The following WDR45B variants were observed in gnomAD, a reference collection of about 807,000 sequenced individuals.
The protein encoded by WDR45B is WD repeat domain 45B, also known as WD repeat domain phosphoinositide-interacting protein 3.
A neutral mutation model predicts 44.6 loss-of-function variants in WDR45B; 20 were observed. The ratio of observed to expected loss-of-function variants is 0.45; its 90% confidence interval spans 0.32 to 0.65. WDR45B has a LOEUF of 0.65. Ranked by LOEUF, WDR45B falls within the 30% of genes least tolerant of loss-of-function variation. The probability of loss-of-function intolerance (pLI) is 0.05; values close to 1 mark genes in which losing one functional copy is unlikely to be tolerated. For synonymous variants in WDR45B, 169 were observed against 164.9 expected, an observed-to-expected ratio of 1.02 and a Z score of -0.19; for missense variants, 323 against 430.2, an observed-to-expected ratio of 0.75 and a Z score of 2.20.
rs564282202 is a variant in WDR45B at position 82,645,431 on chromosome 17, T to C, written c.68-1408A>G. On this transcript the variant is annotated intron_variant, in intron 1 of 9. Coordinates refer to ENST00000392325, the MANE Select transcript of WDR45B (RefSeq NM_019613.4). Reference sequence around the variant, plus strand: ...GACATGTCACAAGAGGATATCCAAGTGGTCAAGAAACACAAAATCAGGAAA... The same window carrying C: ...GACATGTCACAAGAGGATATCCAAGCGGTCAAGAAACACAAAATCAGGAAA... 2.0e-5 allele frequency among the ~76,000 whole-genome samples: 3 copies of C among 151,988 alleles called. No individual in the cohort carries two copies. The South Asian group carries it at 6.2e-4, about 32-fold the overall frequency.
chr17:82,644,668 G>A (rs9788995), intron 1 of WDR45B: 63,284 of 156,710 alleles, frequency 0.4, 13,010 homozygotes, highest in East Asian at 0.53. Flanking sequence ...GTAGATGATC[G>A]TGTGTTAATG....
Position 82,640,138 on chromosome 17 carries a change from C to T in WDR45B, c.142+3811G>A, listed in dbSNP as rs143864762. 5.1e-3 allele frequency among the ~76,000 whole-genome samples: 770 copies of T among 152,242 alleles called. 11 individuals carry two copies. Among genetic ancestry groups the T allele is most frequent in the African/African-American group, 0.018 (742 of 41,542 alleles). ...TGAACTACCAGCTTCCCGTTCCTGC[C>T]AAGTGGCAGAAGGCGTATCTGGAAA... On this transcript the variant is annotated intron_variant, in intron 2 of 9. Transcript: ENST00000392325.
chr17:82,628,306 A>G (rs2045724473), intron 3 of WDR45B, among the ~76,000 whole-genome samples: 1 of 152,074 alleles, frequency 6.6e-6, no homozygotes, highest in Non-Finnish European at 1.5e-5. Context: ...GCTCCTTTTT[A>G]AGTTCAAAAT....
chr17:82,635,173 AT>A (rs58632119), intron 2 of WDR45B, among the ~76,000 whole-genome samples: 1,798 of 150,724 alleles, frequency 0.012, 73 homozygotes, highest in African/African-American at 0.042. Flanking sequence ...TTTTACCATA[AT>A]TTTTTTTTTA....
chr17:82,635,087 CAAT>C (rs2045816027), intron 2 of WDR45B, among the ~76,000 whole-genome samples: 1 of 151,940 alleles, frequency 6.6e-6, no homozygotes, highest in African/African-American at 2.4e-5. Context: ...CGTTTAACAA[CAAT>C]GTGAATATAT....
At chr17:82,648,252 C>G in intron 1 of WDR45B, 22 bp downstream of exon 1, 1 of 1,599,586 alleles carries the variant, frequency 6.3e-7, no homozygotes. Flanking sequence ...CCGGGCAAGG[C>G]GACAGGGCCG....
chr17:82,638,693 CCT>C (rs1365543512), intron 2 of WDR45B, among the ~76,000 whole-genome samples: 6 of 151,982 alleles, frequency 3.9e-5, no homozygotes, highest in Admixed American at 1.3e-4. Context: ...TCGTGCAGTC[CCT>C]GTTTCTCGTT....
At chr17:82,624,618 A>T (rs2045668162) in intron 5 of WDR45B, among the ~76,000 whole-genome samples, 1 of 138,194 alleles carries the variant, frequency 7.2e-6, no homozygotes, top group Non-Finnish European at 1.5e-5. Context: ...ACGGAAATTT[A>T]TTGAAGTTTT....
chr17:82,637,150 T>A (rs1005858429), intron 2 of WDR45B, among the ~76,000 whole-genome samples: 1 of 152,062 alleles, frequency 6.6e-6, no homozygotes, highest in African/African-American at 2.4e-5. Flanking sequence ...ATTTATTTAT[T>A]CCTGGAACAT....
chr17:82,636,385 G>A (rs889936673), intron 2 of WDR45B: 1 of 151,894 alleles, frequency 6.6e-6, no homozygotes, highest in African/African-American at 2.4e-5. Context: ...CAAGTGAAGA[G>A]GCAGAGAAGG....
At position 82,643,113 on chromosome 17, in the gene WDR45B, A is replaced by G. The variant is rs915127065; in HGVS notation, c.142+836T>C. On this transcript the variant is annotated intron_variant, in intron 2 of 9. Coordinates refer to ENST00000392325, the MANE Select transcript of WDR45B (RefSeq NM_019613.4). ...TTTTTACAATAACTCTGAGGCAGGC[A>G]TTGTTATCAACCTTATTTCACGTAC... Among the ~76,000 whole-genome samples the G allele has an allele frequency of 7.9e-5, 12 of 152,134 alleles. No homozygotes were observed. The South Asian group carries it at 8.3e-4, about 10-fold the overall frequency.
At chr17:82,640,345 ATTTTTTTCTTTT>A (rs1271868121) in intron 2 of WDR45B, among the ~76,000 whole-genome samples, 1 of 146,444 alleles carries the variant, frequency 6.8e-6, no homozygotes, top group Non-Finnish European at 1.5e-5. Flanking sequence ...CTTCACTGGG[ATTTTTTTCTTTT>A]TTTTTTTTTT....
chr17:82,639,460 G>T (rs1367734897), intron 2 of WDR45B, among the ~76,000 whole-genome samples: 1 of 151,932 alleles, frequency 6.6e-6, no homozygotes, highest in Non-Finnish European at 1.5e-5. Flanking sequence ...CTACCACCAG[G>T]TTACCAAACT....
chr17:82,647,636 G>A (rs1038762759), intron 1 of WDR45B, among the ~76,000 whole-genome samples: 2 of 151,780 alleles, frequency 1.3e-5, no homozygotes, highest in African/African-American at 2.4e-5. Flanking sequence ...CAAACACGAA[G>A]AAAAATCCCG....
intron 2 of WDR45B, among the ~76,000 whole-genome samples, chr17:82,640,102 G>C (rs1459490440): frequency 6.6e-6 from 1 of 151,988 alleles, no homozygotes; most frequent in African/African-American, 2.4e-5. Context: ...GGATCCCCAA[G>C]AAGGCTTCCC....
chr17:82,647,348 T>A (rs912966301), intron 1 of WDR45B, among the ~76,000 whole-genome samples: 13 of 152,368 alleles, frequency 8.5e-5, no homozygotes, highest in Non-Finnish European at 1.9e-4. Context: ...TGTCTCGGAA[T>A]AACGGACATT....
intron 2 of WDR45B, among the ~76,000 whole-genome samples, chr17:82,639,501 C>T (rs577066634): frequency 2.0e-4 from 31 of 152,188 alleles, no homozygotes; most frequent in African/African-American, 7.2e-4. Flanking sequence ...CAAAGCTACC[C>T]ACCACCTCTG....
chr17:82,624,610 G>A (rs184005821), intron 5 of WDR45B, among the ~76,000 whole-genome samples: 4 of 145,536 alleles, frequency 2.7e-5, no homozygotes, highest in South Asian at 4.5e-4. Flanking sequence ...TTACAATGAC[G>A]GAAATTTATT....
In WDR45B at chr17:82,617,370, G is replaced by A. The variant is rs766835335; in HGVS notation, c.732C>T (p.Leu244=). Residue 244 remains leucine, a synonymous_variant, in exon 8 of 10, where the codon CTC becomes CTT. Transcript: ENST00000392325. ...YCINFNQDAS[L]ICVSSDHGTV... ...TGCCGTGGTCGCTGGATACGCAGAT[G>A]AGGGACGCATCCTGATTGAAGTTGA... 13 of 1,614,182 alleles carry A rather than the reference G, an allele frequency of 8.1e-6. No individual in the cohort carries two copies. The highest frequency in any genetic ancestry group is 1.0e-5 in the Non-Finnish European group (12 of 1,180,020).
Sources: allele counts gnomAD v4.1 joint callset (sites outside exome capture counted in the v4.1 genomes callset), GRCh38; gene constraint gnomAD v4.1.1; transcripts MANE v1.5; gene names NCBI Gene and HGNC (gene_info 2026-07-23, HGNC 2026-07-21).